TTC28: variants seen among roughly 807,000 people sequenced by gnomAD.
The protein encoded by TTC28 is tetratricopeptide repeat domain 28.
TTC28 carries 61 observed loss-of-function variants against 198.0 expected under a neutral mutation model. That is an observed-to-expected ratio of 0.31 (90% CI 0.25 to 0.38). TTC28 has a LOEUF of 0.38. Among genes scored for constraint, TTC28 ranks in the 10% least tolerant of loss-of-function variants. TTC28 has a pLI of 1.00. For missense variants in TTC28, 2,678 were observed against 3,164.0 expected, an observed-to-expected ratio of 0.85 and a Z score of 3.69; for synonymous variants, 1,171 against 1,297.8, an observed-to-expected ratio of 0.90 and a Z score of 2.10.
chr22:28,086,128 C>T (rs1229268909), intron 12 of TTC28, among the ~76,000 whole-genome samples: 1 of 152,004 alleles, frequency 6.6e-6, no homozygotes, highest in African/African-American at 2.4e-5. Flanking sequence ...AACAAGGATA[C>T]CCAGGAATTG....
At chr22:27,995,127 G>C (rs1371775033) in intron 17 of TTC28, among the ~76,000 whole-genome samples, 5 of 152,174 alleles carry the variant, frequency 3.3e-5, no homozygotes, top group African/African-American at 4.8e-5. Flanking sequence ...CAGGGTTCTA[G>C]AGGGCCCTGT....
chr22:28,237,434 C>T (rs536114489), intron 5 of TTC28, among the ~76,000 whole-genome samples: 19 of 152,154 alleles, frequency 1.2e-4, no homozygotes, highest in Non-Finnish European at 2.4e-4. Context: ...CTAGGGTTTA[C>T]AGTACACATC....
chr22:28,359,278 A>C (rs1474511730), intron 2 of TTC28, among the ~76,000 whole-genome samples: 1 of 152,208 alleles, frequency 6.6e-6, no homozygotes, highest in African/African-American at 2.4e-5. Flanking sequence ...CTTAGGTATC[A>C]TATAAGAATC....
intron 2 of TTC28, among the ~76,000 whole-genome samples, chr22:28,469,391 G>C (rs2048069611): frequency 6.6e-6 from 1 of 152,136 alleles, no homozygotes; most frequent in Admixed American, 6.5e-5. Context: ...AGCCCCCGAA[G>C]ATATCCAAGT....
At chr22:28,627,160 TCTA>T (rs1346054462) in intron 2 of TTC28, among the ~76,000 whole-genome samples, 1 of 152,136 alleles carries the variant, frequency 6.6e-6, no homozygotes, top group Admixed American at 6.5e-5. Context: ...GCTAGAATAA[TCTA>T]CTAATTCAAA....
intron 2 of TTC28, among the ~76,000 whole-genome samples, chr22:28,407,975 G>A (rs1334086628): frequency 6.6e-6 from 1 of 152,120 alleles, no homozygotes; most frequent in Non-Finnish European, 1.5e-5. Flanking sequence ...GGAAAAAATT[G>A]TTTATAACTT....
Position 28,008,345 on chromosome 22 carries a change from T to C in TTC28, c.4218+5903A>G, listed in dbSNP as rs568579821. ...CTTAGATGAGAAGTCTTAGGTGAAA[T>C]CCCTGAGCTCCAGTGCTTGGAAAGC... On this transcript the variant is annotated intron_variant, in intron 14 of 22. Coordinates refer to ENST00000397906, the MANE Select transcript of TTC28 (RefSeq NM_001145418.2). 5 of 152,270 alleles carry C rather than the reference T, an allele frequency of 3.3e-5. No homozygotes were observed. The East Asian group carries it at 9.6e-4, about 29-fold the overall frequency. The allele number at this position is 152,270 out of a possible 1,614,324, so 9.4% of individuals were successfully genotyped here. A position where few individuals can be genotyped will look rare whatever the true frequency, so the allele number is the denominator to read the frequency against.
chr22:28,438,360 A>G (rs1280061018), intron 2 of TTC28, among the ~76,000 whole-genome samples: 1 of 152,212 alleles, frequency 6.6e-6, no homozygotes, highest in Non-Finnish European at 1.5e-5. Context: ...ACACAAATCT[A>G]CAGGGCATAA....
chr22:28,271,680 C>A (rs1488776517), intron 5 of TTC28, among the ~76,000 whole-genome samples: 1 of 152,202 alleles, frequency 6.6e-6, no homozygotes, highest in East Asian at 1.9e-4. Context: ...TCTCGGCTCA[C>A]TGCAACCTCT....
At chr22:28,198,679 G>A (rs1033128330) in intron 5 of TTC28, among the ~76,000 whole-genome samples, 1 of 152,068 alleles carries the variant, frequency 6.6e-6, no homozygotes, top group South Asian at 2.1e-4. Flanking sequence ...GATTAACAGG[G>A]AAGAACAGGC....
chr22:28,441,340 A>G (rs1226315741), intron 2 of TTC28, among the ~76,000 whole-genome samples: 1 of 151,472 alleles, frequency 6.6e-6, no homozygotes, highest in Non-Finnish European at 1.5e-5. Context: ...AGGAATACGC[A>G]GCATCTGTTT....
chr22:28,539,406 G>C (rs1457481977), intron 2 of TTC28, among the ~76,000 whole-genome samples: 2 of 152,144 alleles, frequency 1.3e-5, no homozygotes, highest in Non-Finnish European at 2.9e-5. Flanking sequence ...AGGCCAAGGT[G>C]GGTGGATCGC....
chr22:28,579,916 G>A (rs2050210613), intron 2 of TTC28, among the ~76,000 whole-genome samples: 1 of 152,052 alleles, frequency 6.6e-6, no homozygotes, highest in South Asian at 2.1e-4. Context: ...GTTGCGGTGA[G>A]CCAAGATCGC....
intron 12 of TTC28, among the ~76,000 whole-genome samples, chr22:28,044,035 C>A (rs557847923): frequency 6.6e-6 from 1 of 152,166 alleles, no homozygotes; most frequent in Non-Finnish European, 1.5e-5. Flanking sequence ...CTGGTTCAAA[C>A]CCACTGTAGG....
At chr22:28,616,081 G>A (rs7286036) in intron 2 of TTC28, among the ~76,000 whole-genome samples, 2,186 of 152,192 alleles carry the variant, frequency 0.014, 47 homozygotes, top group African/African-American at 0.05. Flanking sequence ...TGGACATATC[G>A]GTGTTAGAAC....
At chr22:28,275,897 T>C (rs551556874) in intron 5 of TTC28, among the ~76,000 whole-genome samples, 42 of 152,324 alleles carry the variant, frequency 2.8e-4, no homozygotes, top group Non-Finnish European at 5.0e-4. Context: ...TAGGTAATCC[T>C]GACCTCCCAG....
intron 2 of TTC28, among the ~76,000 whole-genome samples, chr22:28,422,576 C>T (rs2047275551): frequency 6.6e-6 from 1 of 151,712 alleles, no homozygotes; most frequent in Non-Finnish European, 1.5e-5. Context: ...GTAGCTGGGA[C>T]TACAGGTGCC....
At chr22:28,029,243 T>TG in intron 13 of TTC28, 2 of 396,264 alleles carry the variant, frequency 5.0e-6, no homozygotes, top group Non-Finnish European at 1.0e-5. Flanking sequence ...CCCCTGCCCT[T>TG]GGCTCCCTTC....
At chr22:28,454,574 G>A (rs2047830084) in intron 2 of TTC28, among the ~76,000 whole-genome samples, 1 of 152,146 alleles carries the variant, frequency 6.6e-6, no homozygotes, top group South Asian at 2.1e-4. Context: ...ATATGTTTCT[G>A]AAAAGTAAGC....
Sources: allele counts gnomAD v4.1 joint callset (sites outside exome capture counted in the v4.1 genomes callset), GRCh38; gene constraint gnomAD v4.1.1; transcripts MANE v1.5; gene names NCBI Gene and HGNC (gene_info 2026-07-23, HGNC 2026-07-21).